Variants in VAV3 observed in about 807,000 individuals in gnomAD.
VAV3 encodes the protein guanine nucleotide exchange factor VAV3.
VAV3 carries 94 observed loss-of-function variants against 131.2 expected under a neutral mutation model. The ratio of observed to expected loss-of-function variants is 0.72; its 90% CI spans 0.61 to 0.85. The LOEUF is 0.85. Ranked by LOEUF, VAV3 falls within the 40% of genes least tolerant of loss-of-function variation. The pLI is 0.00. For missense variants in VAV3, 939 were observed against 1,002.7 expected (o/e 0.94, Z 0.86); for synonymous variants, 349 against 342.0 (o/e 1.02, Z -0.22).
intron 18 of VAV3, among the ~76,000 whole-genome samples, chr1:107,685,117 G>C (rs1658925595): frequency 6.6e-6 from 1 of 152,084 alleles, no homozygotes; most frequent in African/African-American, 2.4e-5. Context: ...GCCTAAATTA[G>C]TCCCATGTAG....
chr1:107,946,560 C>A (rs546024099), intron 1 of VAV3, among the ~76,000 whole-genome samples: 2 of 152,166 alleles, frequency 1.3e-5, no homozygotes, highest in East Asian at 3.9e-4. Context: ...CATTGGAAAA[C>A]AAAGCTGAAG....
chr1:107,913,803 A>G (rs1441954632), intron 1 of VAV3, among the ~76,000 whole-genome samples: 1 of 151,990 alleles, frequency 6.6e-6, no homozygotes, highest in Non-Finnish European at 1.5e-5. Flanking sequence ...TTTTTTAATT[A>G]TTATTATTTT....
chr1:107,574,301 G>A, intron 25 of VAV3, 103 bp from the exon 26 acceptor site: 10 of 1,413,746 alleles, frequency 7.1e-6, no homozygotes, highest in Non-Finnish European at 9.6e-6. Context: ...GCACAGTCGT[G>A]ATTTCATTAC....
At chr1:107,912,330 A>C (rs1425307841) in intron 1 of VAV3, among the ~76,000 whole-genome samples, 1 of 152,246 alleles carries the variant, frequency 6.6e-6, no homozygotes, top group African/African-American at 2.4e-5. Flanking sequence ...TCAGGTTTTA[A>C]AAATGCATAA....
At chr1:107,627,788 ATACTT>A (rs1654140120) in intron 20 of VAV3, among the ~76,000 whole-genome samples, 1 of 152,214 alleles carries the variant, frequency 6.6e-6, no homozygotes. Context: ...AGATGAAAAA[ATACTT>A]TAATGGTCTT....
intron 1 of VAV3, chr1:107,897,256 CTACTACT>C (rs1671630934): frequency 6.6e-6 from 1 of 150,916 alleles, no homozygotes; most frequent in Admixed American, 6.6e-5. Context: ...CATATGCCTA[CTACTACT>C]TTCATATGTA....
chr1:107,888,714 C>A (rs924371134), intron 1 of VAV3, among the ~76,000 whole-genome samples: 2 of 152,140 alleles, frequency 1.3e-5, no homozygotes, highest in Non-Finnish European at 2.9e-5. Context: ...CCGCCTCGGC[C>A]TCCCAAAGTG....
chr1:107,694,497 G>A (rs1379839648), intron 17 of VAV3, among the ~76,000 whole-genome samples: 1 of 152,172 alleles, frequency 6.6e-6, no homozygotes, highest in African/African-American at 2.4e-5. Context: ...CGATGCTTAG[G>A]CCATGAGCCT....
chr1:107,756,522 G>A (rs1224757350), intron 11 of VAV3, among the ~76,000 whole-genome samples: 2 of 152,122 alleles, frequency 1.3e-5, no homozygotes, highest in Non-Finnish European at 2.9e-5. Context: ...TTGGTACAAG[G>A]ACACAGTTAA....
At chr1:107,680,743 A>G (rs1658542449) in intron 19 of VAV3, among the ~76,000 whole-genome samples, 1 of 152,116 alleles carries the variant, frequency 6.6e-6, no homozygotes. Context: ...TGCTCACAAC[A>G]ACAACGTAAG....
At chr1:107,879,146 T>A (rs1282064513) in intron 1 of VAV3, among the ~76,000 whole-genome samples, 1 of 152,190 alleles carries the variant, frequency 6.6e-6, no homozygotes, top group Non-Finnish European at 1.5e-5. Flanking sequence ...CATTGCTTTC[T>A]TATATCAAGT....
intron 2 of VAV3, among the ~76,000 whole-genome samples, chr1:107,797,995 C>T (rs1161798076): frequency 6.6e-6 from 1 of 152,108 alleles, no homozygotes; most frequent in African/African-American, 2.4e-5. Flanking sequence ...AGCGATAAGC[C>T]ATGAAGAGAT....
intron 15 of VAV3, among the ~76,000 whole-genome samples, chr1:107,723,127 T>C (rs1661602529): frequency 6.6e-6 from 1 of 152,180 alleles, no homozygotes; most frequent in Non-Finnish European, 1.5e-5. Flanking sequence ...TATTTGTATT[T>C]TGTATCCTCA....
At chr1:107,628,130 G>C (rs11809394) in intron 20 of VAV3, among the ~76,000 whole-genome samples, 58,025 of 151,940 alleles carry the variant, frequency 0.38, 11,566 homozygotes, top group East Asian at 0.48. Context: ...TTAGCTGACA[G>C]AACGGGGGTG....
intron 1 of VAV3, among the ~76,000 whole-genome samples, chr1:107,888,811 T>A (rs1325453443): frequency 6.6e-6 from 1 of 152,182 alleles, no homozygotes; most frequent in Non-Finnish European, 1.5e-5. Flanking sequence ...AGTCACTGTT[T>A]CTCTGTACTA....
chr1:107,814,985 A>T (rs1667502513), intron 2 of VAV3, among the ~76,000 whole-genome samples: 2 of 152,180 alleles, frequency 1.3e-5, no homozygotes, highest in Admixed American at 1.3e-4. Context: ...ATTCCAGAAA[A>T]TGTATGAGAG....
intron 12 of VAV3, among the ~76,000 whole-genome samples, chr1:107,753,946 T>C (rs920316177): frequency 3.9e-5 from 6 of 152,048 alleles, no homozygotes; most frequent in African/African-American, 1.4e-4. Context: ...GGAAAAATAA[T>C]AGGAGATTAG....
intron 20 of VAV3, among the ~76,000 whole-genome samples, chr1:107,629,445 T>G (rs1340544062): frequency 6.6e-6 from 1 of 152,198 alleles, no homozygotes; most frequent in African/African-American, 2.4e-5. Flanking sequence ...AAAAGCAACA[T>G]GTTTATCATC....
chr1:107,631,125 C>T lies in VAV3; in HGVS notation c.1914+11494G>A, dbSNP rs571326686. On this transcript the variant is annotated intron_variant, in intron 20 of 26. Coordinates refer to ENST00000370056, the MANE Select transcript of VAV3 (RefSeq NM_006113.5). ...CAAAAAGGTACCCCTTATTTGGTAA[C>T]TATCAAAGCCAAAGTATTGTAACAC... is the stretch of plus-strand genomic sequence containing the variant. Among the ~76,000 whole-genome samples the T allele has an allele frequency of 2.0e-5, 3 of 152,112 alleles. No individual in the cohort carries two copies. The East Asian group carries it at 5.8e-4, about 29-fold the overall frequency.
Sources: gnomAD v4.1 joint callset for allele counts (sites outside exome capture counted in the v4.1 genomes callset) on GRCh38, gnomAD v4.1.1 for gene constraint, MANE v1.5 for transcripts, NCBI Gene and HGNC (gene_info 2026-07-23, HGNC 2026-07-21) for gene names.